Variants in CACNB2 observed in about 807,000 individuals in gnomAD.
CACNB2 encodes the protein calcium voltage-gated channel auxiliary subunit beta 2.
A neutral mutation model predicts 73.3 loss-of-function variants in CACNB2; 42 were observed. That is an observed-to-expected ratio of 0.57 (90% CI 0.45 to 0.74). The LOEUF is 0.74. Among genes scored for constraint, CACNB2 ranks in the 30% least tolerant of loss-of-function variants. The pLI, the probability that CACNB2 is intolerant of heterozygous loss-of-function variation, is 0.00. For missense variants in CACNB2, 940 were observed against 853.0 expected, an observed-to-expected ratio of 1.10 and a Z score of -1.27; for synonymous variants, 348 against 310.3, an observed-to-expected ratio of 1.12 and a Z score of -1.28.
At chr10:18,486,835 A>G (rs1249644456) in intron 3 of CACNB2, among the ~76,000 whole-genome samples, 2 of 152,178 alleles carry the variant, frequency 1.3e-5, no homozygotes, top group African/African-American at 4.8e-5. Context: ...GTAATGAAGC[A>G]TTATTGTGTG....
intron 3 of CACNB2, among the ~76,000 whole-genome samples, chr10:18,492,396 G>A (rs114660370): frequency 0.034 from 5,203 of 152,194 alleles, 281 homozygotes; most frequent in African/African-American, 0.12. Flanking sequence ...CGAGGCAAGC[G>A]GATCACCTGA....
intron 3 of CACNB2, among the ~76,000 whole-genome samples, chr10:18,474,061 T>G (rs2048321649): frequency 1.3e-5 from 2 of 152,208 alleles, no homozygotes; most frequent in African/African-American, 4.8e-5. Flanking sequence ...TGATGGAACA[T>G]GATGTTTTGA....
intron 2 of CACNB2, among the ~76,000 whole-genome samples, chr10:18,181,482 A>G (rs2033877016): frequency 6.6e-6 from 1 of 152,078 alleles, no homozygotes; most frequent in Non-Finnish European, 1.5e-5. Flanking sequence ...CCCTTTGAGA[A>G]AATTACCTAT....
chr10:18,272,050 A>T (rs1396676103), intron 2 of CACNB2, among the ~76,000 whole-genome samples: 1 of 149,612 alleles, frequency 6.7e-6, no homozygotes, highest in Non-Finnish European at 1.5e-5. Flanking sequence ...TTTTTTCTGG[A>T]GGGAGTAATA....
At chr10:18,351,013 A>T (rs2132134951) in intron 2 of CACNB2, among the ~76,000 whole-genome samples, 1 of 152,298 alleles carries the variant, frequency 6.6e-6, no homozygotes, top group East Asian at 1.9e-4. Flanking sequence ...GAATTTTTTT[A>T]AATGAGCTGC....
chr10:18,261,128 A>C, intron 2 of CACNB2: 1 of 1,527,248 alleles, frequency 6.5e-7, no homozygotes, highest in Non-Finnish European at 8.8e-7. Context: ...GAAACTACCT[A>C]GGAGGCAGAA....
chr10:18,142,405 A>T (rs1020278320), intron 1 of CACNB2, among the ~76,000 whole-genome samples: 4 of 152,154 alleles, frequency 2.6e-5, no homozygotes, highest in African/African-American at 7.2e-5. Flanking sequence ...CTGAATTTTA[A>T]CCAATAGAGT....
At position 18,499,635 on chromosome 10, in the gene CACNB2, A is replaced by AGCCTGGGTACTATGGCTCATGCCTGT. The variant is rs1308256130; in HGVS notation, c.456+1158_456+1159insGCCTGGGTACTATGGCTCATGCCTGT. ...TCTCAAAGAAAAAAAAAAAAAAAAA[A>AGCCTGGGTACTATGGCTCATGCCTGT]AAAAGAACCTAGAAGCCTGGGTACT... On this transcript the variant is annotated intron_variant, in intron 4 of 13. Coordinates refer to ENST00000324631, the MANE Select transcript of CACNB2 (RefSeq NM_201596.3). Among the ~76,000 whole-genome samples the AGCCTGGGTACTATGGCTCATGCCTGT allele has an allele frequency of 2.7e-3, 373 of 136,308 alleles. 7 individuals carry two copies. The highest frequency in any genetic ancestry group is 9.0e-3 in the African/African-American group (336 of 37,396). The allele number at this position is 136,308 out of a possible 152,430, so 89.4% of individuals were successfully genotyped here. A position where few individuals can be genotyped will look rare whatever the true frequency, so the allele number is the denominator to read the frequency against.
At chr10:18,468,693 G>A (rs983799413) in intron 3 of CACNB2, among the ~76,000 whole-genome samples, 47 of 152,122 alleles carry the variant, frequency 3.1e-4, no homozygotes, top group African/African-American at 1.1e-3. Context: ...TCTGCCTCCC[G>A]AGTTCAAGCA....
At chr10:18,495,511 G>T (rs1171226312) in intron 3 of CACNB2, among the ~76,000 whole-genome samples, 2 of 150,624 alleles carry the variant, frequency 1.3e-5, no homozygotes, top group Admixed American at 1.3e-4. Flanking sequence ...GAGCCATCAC[G>T]CCCGGCCAAA....
At chr10:18,316,703 C>T (rs982533991) in intron 2 of CACNB2, among the ~76,000 whole-genome samples, 2 of 152,154 alleles carry the variant, frequency 1.3e-5, no homozygotes, top group Non-Finnish European at 2.9e-5. Flanking sequence ...CTAAAGCAAT[C>T]CACCCACCTC....
chr10:18,356,771 A>G (rs536331043), intron 2 of CACNB2, among the ~76,000 whole-genome samples: 33 of 151,884 alleles, frequency 2.2e-4, no homozygotes, highest in African/African-American at 7.7e-4. Context: ...CTGGAACCAC[A>G]GGCACATGCC....
intron 2 of CACNB2, among the ~76,000 whole-genome samples, chr10:18,297,312 A>G (rs558339063): frequency 6.6e-6 from 1 of 152,346 alleles, no homozygotes; most frequent in African/African-American, 2.4e-5. Flanking sequence ...TGGGAGGCCA[A>G]GGTAGGGGAT....
intron 2 of CACNB2, among the ~76,000 whole-genome samples, chr10:18,266,536 G>C (rs1037977679): frequency 6.6e-6 from 1 of 151,532 alleles, no homozygotes; most frequent in Non-Finnish European, 1.5e-5. Flanking sequence ...TTTAATTGTG[G>C]TTGTTCACTC....
intron 2 of CACNB2, among the ~76,000 whole-genome samples, chr10:18,327,412 TTTTGTTTG>T (rs990951162): frequency 6.6e-6 from 1 of 151,980 alleles, no homozygotes. Context: ...GCCCGGTCAT[TTTTGTTTG>T]TTTGTTTGTT....
rs1283427419 is a variant in CACNB2 at position 18,357,998 on chromosome 10, C to T, written c.214-43926C>T. 3.3e-5 allele frequency among the ~76,000 whole-genome samples: 5 copies of T among 152,096 alleles called. No homozygotes were observed. The East Asian group carries it at 9.6e-4, about 29-fold the overall frequency. On this transcript the variant is annotated intron_variant, in intron 2 of 13. Coordinates refer to ENST00000324631, the MANE Select transcript of CACNB2 (RefSeq NM_201596.3). ...GCCTCAACATCCAGCACATCATTGT[C>T]GCAGTGCATGGCAAATATTTAAAGA...
intron 2 of CACNB2, among the ~76,000 whole-genome samples, chr10:18,230,184 C>T (rs1386610307): frequency 1.3e-5 from 2 of 152,120 alleles, no homozygotes; most frequent in Admixed American, 1.3e-4. Context: ...GAGAGAGCAT[C>T]CCCAACTCCC....
Position 18,272,609 on chromosome 10 carries a change from G to A in CACNB2, c.213+121634G>A, listed in dbSNP as rs1281378666. Among the ~76,000 whole-genome samples, 6 of 152,044 alleles carry A rather than the reference G, an allele frequency of 3.9e-5. No individual in the cohort carries two copies. The South Asian group carries it at 6.2e-4, about 16-fold the overall frequency. On this transcript the variant is annotated intron_variant, in intron 2 of 13. Coordinates refer to ENST00000324631, the MANE Select transcript of CACNB2 (RefSeq NM_201596.3). Reference sequence around the variant, plus strand: ...CCGGTGAGAGGTAATTGAATCATGGGGGCAGATTTTTCTCATGCTGTTCTC... The same window carrying A: ...CCGGTGAGAGGTAATTGAATCATGGAGGCAGATTTTTCTCATGCTGTTCTC...
chr10:18,415,600 G>A (rs1222565746), intron 3 of CACNB2, among the ~76,000 whole-genome samples: 1 of 152,138 alleles, frequency 6.6e-6, no homozygotes, highest in African/African-American at 2.4e-5. Flanking sequence ...AGCCCCCACT[G>A]TTAGTGACTG....
Sources: gnomAD v4.1 joint callset for allele counts (sites outside exome capture counted in the v4.1 genomes callset) on GRCh38, gnomAD v4.1.1 for gene constraint, MANE v1.5 for transcripts, NCBI Gene and HGNC (gene_info 2026-07-23, HGNC 2026-07-21) for gene names.